ECI2: variants seen among roughly 807,000 people sequenced by gnomAD.
The protein encoded by ECI2 is D3,D2-enoyl-CoA isomerase.
A neutral mutation model predicts 38.4 loss-of-function variants in ECI2; 27 were observed. That is an observed-to-expected ratio of 0.70 (90% CI 0.52 to 0.97). The LOEUF is 0.97. Ranked by LOEUF, ECI2 falls within the 50% of genes least tolerant of loss-of-function variation. The pLI, the probability that ECI2 is intolerant of heterozygous loss-of-function variation, is 0.00. For synonymous variants in ECI2, 168 were observed against 172.0 expected (o/e 0.98, Z 0.18); for missense variants, 470 against 474.4 (o/e 0.99, Z 0.09).
intron 9 of ECI2, among the ~76,000 whole-genome samples, chr6:4,116,540 A>C (rs2113962720): frequency 6.6e-6 from 1 of 150,592 alleles, no homozygotes; most frequent in South Asian, 2.1e-4. Context: ...TCCCGGGTTC[A>C]AGCAATTCTC....
At chr6:4,124,698 C>T (rs990370616) in intron 7 of ECI2, among the ~76,000 whole-genome samples, 9 of 152,102 alleles carry the variant, frequency 5.9e-5, no homozygotes, top group African/African-American at 1.9e-4. Context: ...TCCACTATGA[C>T]ATATATATTA....
intron 1 of ECI2, 41 bp downstream of exon 1, chr6:4,135,470 G>C: frequency 2.5e-6 from 4 of 1,611,806 alleles, no homozygotes; most frequent in Non-Finnish European, 3.4e-6. Flanking sequence ...GCGGTATCCT[G>C]CGGGCGACCA....
At position 4,133,545 on chromosome 6, in the gene ECI2, T is replaced by C; in HGVS notation, c.213+4A>G. ...TTAAATAACGTTCGACCGTAGGCAT[T>C]TACCTGCTTATATAGCGCGTAGAGT... On this transcript the variant is annotated splice_donor_region_variant and intron_variant, in intron 2 of 9. Coordinates refer to ENST00000380118, the MANE Select transcript of ECI2 (RefSeq NM_206836.3). The C allele has an allele frequency of 6.2e-7, 1 of 1,602,976 alleles. No individual in the cohort carries two copies.
In ECI2 at chr6:4,128,606, G is replaced by A. The variant is rs549576054; in HGVS notation, c.502-775C>T. ...CGTATCCACGGGTTCCACATCCATGGACAACCAATCACAGATCAAAAATAC... is the reference window on the plus strand; with the variant it reads ...CGTATCCACGGGTTCCACATCCATGAACAACCAATCACAGATCAAAAATAC... On this transcript the variant is annotated intron_variant, in intron 4 of 9. Coordinates refer to ENST00000380118, the MANE Select transcript of ECI2 (RefSeq NM_206836.3). 2.6e-5 allele frequency among the ~76,000 whole-genome samples: 4 copies of A among 152,116 alleles called. No homozygotes were observed. In the South Asian group the frequency reaches 6.2e-4, roughly 24 times the overall value.
intron 7 of ECI2, among the ~76,000 whole-genome samples, chr6:4,120,451 G>A (rs1772643771): frequency 6.6e-6 from 1 of 152,208 alleles, no homozygotes; most frequent in Non-Finnish European, 1.5e-5. Flanking sequence ...GGTAGGCCGG[G>A]TGTGGTGGCT....
chr6:4,123,111 A>C (rs2113981519), intron 7 of ECI2, among the ~76,000 whole-genome samples: 1 of 152,296 alleles, frequency 6.6e-6, no homozygotes, highest in East Asian at 1.9e-4. Flanking sequence ...AATAATGGTA[A>C]ATCTTATAAA....
At chr6:4,121,975 G>A (rs1772815069) in intron 7 of ECI2, 1 of 1,597,384 alleles carries the variant, frequency 6.3e-7, no homozygotes, top group Admixed American at 1.7e-5. Flanking sequence ...AATGTACCCA[G>A]AAGACACAGC....
chr6:4,125,632 G>C, intron 6 of ECI2: 1 of 511,048 alleles, frequency 2.0e-6, no homozygotes, highest in Non-Finnish European at 3.5e-6. Flanking sequence ...ATTCTGGACA[G>C]TGAGTTCAGG....
chr6:4,120,587 TGTG>T (rs1484536270), intron 7 of ECI2, among the ~76,000 whole-genome samples: 1 of 151,730 alleles, frequency 6.6e-6, no homozygotes, highest in Non-Finnish European at 1.5e-5. Context: ...ATTAGCCTGG[TGTG>T]GTGGTGTGCA....
intron 7 of ECI2, chr6:4,121,881 A>G: frequency 9.3e-6 from 8 of 856,736 alleles, no homozygotes; most frequent in South Asian, 3.8e-5. Context: ...CAGCATATAC[A>G]TAAAAATAAT....
intron 7 of ECI2, among the ~76,000 whole-genome samples, chr6:4,120,669 G>A (rs1189535245): frequency 6.6e-6 from 1 of 151,826 alleles, no homozygotes; most frequent in Admixed American, 6.6e-5. Context: ...GGAGGCTGCA[G>A]TGAGCCGAGA....
intron 8 of ECI2, chr6:4,118,981 G>A: frequency 2.2e-6 from 1 of 456,100 alleles, no homozygotes. Flanking sequence ...GAACTGCAGA[G>A]AGAATTTCTA....
chr6:4,131,336 G>A (rs1449822084), intron 2 of ECI2, among the ~76,000 whole-genome samples: 1 of 152,112 alleles, frequency 6.6e-6, no homozygotes, highest in Admixed American at 6.5e-5. Context: ...TGTAGCTGAG[G>A]GGCTAGGGTG....
At chr6:4,130,346 C>T in intron 4 of ECI2, 26 bp downstream of exon 4, 1 of 1,614,104 alleles carries the variant, frequency 6.2e-7, no homozygotes, top group Non-Finnish European at 8.5e-7. Context: ...TAAAACAGGA[C>T]AAACTCCGTG....
chr6:4,119,372 G>T, intron 7 of ECI2, 97 bp from the exon 8 acceptor site: 1 of 907,828 alleles, frequency 1.1e-6, no homozygotes, highest in Non-Finnish European at 1.6e-6. Flanking sequence ...CCAGGCTGCA[G>T]TGAAGTGGCG....
chr6:4,132,053 G>C (rs992146842), intron 2 of ECI2, among the ~76,000 whole-genome samples: 1 of 152,102 alleles, frequency 6.6e-6, no homozygotes, highest in Non-Finnish European at 1.5e-5. Flanking sequence ...TGCAAGGCTG[G>C]AGGGCACCCA....
chr6:4,117,196 G>A lies in ECI2; in HGVS notation c.1029+112C>T, dbSNP rs1772337733. 3.8e-6 allele frequency: 5 copies of A among 1,318,740 alleles called. No homozygotes were observed. The Admixed American group carries it at 7.4e-5, about 19-fold the overall frequency. 81.7% of individuals were successfully genotyped at this position (1,318,740 alleles called of 1,614,324 possible). A position where few individuals can be genotyped will look rare whatever the true frequency, so the allele number is the denominator to read the frequency against. On this transcript the variant is annotated intron_variant, in intron 9 of 9. Coordinates refer to ENST00000380118, the MANE Select transcript of ECI2 (RefSeq NM_206836.3). Reference sequence around the variant, plus strand: ...AATTCCAAATTTAGATGTGCTTAGAGGTAACTAAAGATGTGTCTTGTGCTT... The same window carrying A: ...AATTCCAAATTTAGATGTGCTTAGAAGTAACTAAAGATGTGTCTTGTGCTT...
chr6:4,122,345 C>T (rs940335092), intron 7 of ECI2, among the ~76,000 whole-genome samples: 3 of 151,970 alleles, frequency 2.0e-5, no homozygotes, highest in Non-Finnish European at 2.9e-5. Context: ...CTCAGCCTCC[C>T]GAGCAGTTGG....
intron 7 of ECI2, among the ~76,000 whole-genome samples, chr6:4,121,692 A>G (rs893754491): frequency 3.2e-4 from 40 of 125,168 alleles, no homozygotes; most frequent in Non-Finnish European, 6.7e-4. Context: ...AGTCATTTTT[A>G]GTTTTTTTTT....
Sources: gnomAD v4.1 joint callset for allele counts (sites outside exome capture counted in the v4.1 genomes callset) on GRCh38, gnomAD v4.1.1 for gene constraint, MANE v1.5 for transcripts, NCBI Gene and HGNC (gene_info 2026-07-23, HGNC 2026-07-21) for gene names.